The following FBXL17 variants were observed in gnomAD, a reference collection of about 807,000 sequenced individuals.
FBXL17 encodes F-box/LRR-repeat protein 17.
In FBXL17, 22 loss-of-function variants were observed where a neutral mutation model predicts 66.2. The ratio of observed to expected loss-of-function variants is 0.33; its 90% confidence interval spans 0.24 to 0.47. The LOEUF (loss-of-function observed/expected upper bound fraction) is 0.47, where lower values mean the gene tolerates loss of function less well. FBXL17 is among the 20% of genes least tolerant of loss of function. The pLI, the probability that FBXL17 is intolerant of heterozygous loss-of-function variation, is 1.00. For synonymous variants in FBXL17, 474 were observed against 400.5 expected, an observed-to-expected ratio of 1.18 and a Z score of -2.19; for missense variants, 878 against 948.2, an observed-to-expected ratio of 0.93 and a Z score of 0.97.
intron 7 of FBXL17, among the ~76,000 whole-genome samples, chr5:107,945,488 T>C (rs1751253102): frequency 6.6e-6 from 1 of 152,038 alleles, no homozygotes; most frequent in South Asian, 2.1e-4. Context: ...GAATGGAAAA[T>C]TAAGTTGGGG....
At chr5:107,863,976 C>T (rs1441162715) in intron 8 of FBXL17, among the ~76,000 whole-genome samples, 1 of 152,192 alleles carries the variant, frequency 6.6e-6, no homozygotes, top group Non-Finnish European at 1.5e-5. Context: ...ATCTCTTCCA[C>T]CTGAATAAAA....
chr5:107,993,814 A>T (rs562760521), intron 7 of FBXL17, among the ~76,000 whole-genome samples: 1 of 152,286 alleles, frequency 6.6e-6, no homozygotes, highest in South Asian at 2.1e-4. Context: ...CAATACCAAA[A>T]CAAAATATGT....
intron 6 of FBXL17, among the ~76,000 whole-genome samples, chr5:108,124,990 T>G (rs1322188494): frequency 6.6e-6 from 1 of 151,990 alleles, no homozygotes; most frequent in Non-Finnish European, 1.5e-5. Flanking sequence ...AAATCCATGT[T>G]CAACTAAACC....
chr5:108,121,326 CA>C (rs1242158439), intron 6 of FBXL17, among the ~76,000 whole-genome samples: 11 of 143,896 alleles, frequency 7.6e-5, no homozygotes, highest in Non-Finnish European at 7.6e-5. Flanking sequence ...GACTCCATCT[CA>C]AAAAAAAAAG....
intron 6 of FBXL17, among the ~76,000 whole-genome samples, chr5:108,161,126 A>G (rs963107786): frequency 1.3e-5 from 2 of 151,854 alleles, no homozygotes; most frequent in African/African-American, 4.8e-5. Flanking sequence ...GGGAGAAAAA[A>G]CTGTGGCATG....
At chr5:107,973,023 G>C (rs1472657704) in intron 7 of FBXL17, among the ~76,000 whole-genome samples, 1 of 152,154 alleles carries the variant, frequency 6.6e-6, no homozygotes, top group Non-Finnish European at 1.5e-5. Flanking sequence ...TGTTTGAAGA[G>C]GGCCTGGCAC....
intron 6 of FBXL17, among the ~76,000 whole-genome samples, chr5:108,103,274 C>A (rs899826913): frequency 6.6e-6 from 1 of 152,192 alleles, no homozygotes; most frequent in Non-Finnish European, 1.5e-5. Flanking sequence ...TTCAGTAATG[C>A]AACTTCTAAA....
At chr5:107,897,761 C>T (rs910868044) in intron 7 of FBXL17, among the ~76,000 whole-genome samples, 45 of 151,548 alleles carry the variant, frequency 3.0e-4, no homozygotes, top group Admixed American at 2.7e-3. Context: ...GGAAGCATGA[C>T]ACCATTGAAG....
At chr5:107,891,118 A>C (rs1308469118) in intron 7 of FBXL17, among the ~76,000 whole-genome samples, 2 of 152,220 alleles carry the variant, frequency 1.3e-5, no homozygotes, top group African/African-American at 4.8e-5. Flanking sequence ...GAAGAAAGTG[A>C]CATTTGACAA....
At chr5:107,949,435 G>T (rs761540992) in intron 7 of FBXL17, among the ~76,000 whole-genome samples, 4 of 152,226 alleles carry the variant, frequency 2.6e-5, no homozygotes, top group Admixed American at 1.3e-4. Flanking sequence ...AGATAGACAA[G>T]ATATTTCAAA....
Position 108,110,448 on chromosome 5 carries a change from G to C in FBXL17, c.1745+75669C>G, listed in dbSNP as rs558256668. Reference sequence around the variant, plus strand: ...CAAAACAAAAAACCTATGAATTAATGCATGTATTCATAAAGAAAATTGTCA... The same window carrying C: ...CAAAACAAAAAACCTATGAATTAATCCATGTATTCATAAAGAAAATTGTCA... On this transcript the variant is annotated intron_variant, in intron 6 of 8. Transcript: ENST00000542267. Among the ~76,000 whole-genome samples the C allele has an allele frequency of 1.4e-4, 22 of 152,188 alleles. No homozygotes were observed. The South Asian group carries it at 4.6e-3, about 32-fold the overall frequency.
At chr5:108,311,054 G>T (rs533341864) in intron 4 of FBXL17, among the ~76,000 whole-genome samples, 18 of 152,306 alleles carry the variant, frequency 1.2e-4, no homozygotes, top group South Asian at 2.1e-4. Flanking sequence ...GGGGCTGAAG[G>T]AGAAAAGGGA....
In FBXL17 at chr5:108,285,789, T is replaced by C. The variant is rs80314990; in HGVS notation, c.1507-61561A>G. ...TGGACTTTACAATAACCATAACATA[T>C]ATAATAATAATGGAAAGGTTTAAAA... On this transcript the variant is annotated intron_variant, in intron 4 of 8. Coordinates refer to ENST00000542267, the MANE Select transcript of FBXL17 (RefSeq NM_001163315.3). 5.8e-3 allele frequency among the ~76,000 whole-genome samples: 876 copies of C among 150,588 alleles called. 15 individuals are homozygous for C. In the East Asian group the frequency reaches 0.059, roughly 10 times the overall value.
chr5:108,371,216 G>A (rs1749018392), intron 1 of FBXL17, among the ~76,000 whole-genome samples: 1 of 152,098 alleles, frequency 6.6e-6, no homozygotes, highest in Non-Finnish European at 1.5e-5. Flanking sequence ...CTGCAATATA[G>A]ACCCCAAAAG....
At chr5:108,362,099 T>A (rs1373754652) in intron 3 of FBXL17, among the ~76,000 whole-genome samples, 1 of 152,176 alleles carries the variant, frequency 6.6e-6, no homozygotes, top group East Asian at 1.9e-4. Flanking sequence ...TTTTTCAATG[T>A]TTTTTTGGAG....
intron 4 of FBXL17, among the ~76,000 whole-genome samples, chr5:108,342,289 A>G (rs61592750): frequency 0.017 from 2,566 of 152,314 alleles, 72 homozygotes; most frequent in African/African-American, 0.056. Context: ...TGTATAAAAT[A>G]CTGCAATTCT....
intron 4 of FBXL17, among the ~76,000 whole-genome samples, chr5:108,346,708 G>A (rs1747305622): frequency 6.6e-6 from 1 of 152,078 alleles, no homozygotes; most frequent in Non-Finnish European, 1.5e-5. Flanking sequence ...CTTCGTACTA[G>A]ACAACTTAAA....
chr5:107,935,362 T>C, intron 7 of FBXL17, among the ~76,000 whole-genome samples: 1 of 152,076 alleles, frequency 6.6e-6, no homozygotes, highest in Non-Finnish European at 1.5e-5. Flanking sequence ...ATGCTCTTGA[T>C]TTTCAAAATA....
chr5:108,063,054 A>G (rs1336336726), intron 6 of FBXL17, among the ~76,000 whole-genome samples: 1 of 152,192 alleles, frequency 6.6e-6, no homozygotes, highest in Non-Finnish European at 1.5e-5. Flanking sequence ...TATAGTAGAA[A>G]TACAATATTA....
Sources: allele counts gnomAD v4.1 joint callset (sites outside exome capture counted in the v4.1 genomes callset), GRCh38; gene constraint gnomAD v4.1.1; transcripts MANE v1.5; gene names NCBI Gene and HGNC (gene_info 2026-07-23, HGNC 2026-07-21).